CEP164: variants seen among roughly 807,000 people sequenced by gnomAD.
The protein encoded by CEP164 is centrosomal protein of 164 kDa.
CEP164 carries 162 observed loss-of-function variants against 182.7 expected under a neutral mutation model. The ratio of observed to expected loss-of-function variants is 0.89; its 90% CI spans 0.78 to 1.01. The LOEUF (loss-of-function observed/expected upper bound fraction) is 1.01. Among genes scored for constraint, CEP164 ranks in the 50% least tolerant of loss-of-function variants. The pLI is 0.00. For synonymous variants in CEP164, 661 were observed against 690.0 expected, an observed-to-expected ratio of 0.96 and a Z score of 0.66; for missense variants, 1,735 against 1,790.4, an observed-to-expected ratio of 0.97 and a Z score of 0.56.
rs763203356 is a variant in CEP164, at chr11:117,382,960, G to A, written c.1724+18G>A. The A allele has an allele frequency of 9.9e-6, 16 of 1,609,844 alleles. No individual in the cohort carries two copies. Among genetic ancestry groups the A allele is most frequent in the Non-Finnish European group, 1.4e-5 (16 of 1,178,124 alleles). On this transcript the variant is annotated intron_variant, in intron 14 of 32. Coordinates refer to ENST00000278935, the MANE Select transcript of CEP164 (RefSeq NM_014956.5). ...CCAGAGGTGTAAGGGCCAGTTTTGT[G>A]TGTCTGTCCCTGACCTCCACTGCGT... is the stretch of plus-strand genomic sequence containing the variant.
chr11:117,372,500 C>T (rs1012850777), intron 9 of CEP164, among the ~76,000 whole-genome samples: 1 of 151,960 alleles, frequency 6.6e-6, no homozygotes, highest in East Asian at 1.9e-4. Context: ...ACCACAACCT[C>T]CGCCTCCCGG....
At chr11:117,408,292 G>A (rs2046939938) in intron 28 of CEP164, among the ~76,000 whole-genome samples, 1 of 152,192 alleles carries the variant, frequency 6.6e-6, no homozygotes, top group African/African-American at 2.4e-5. Context: ...CTGAGAAGAG[G>A]GCCAAGCCTT....
At chr11:117,326,597 T>A (rs1331494209), upstream of CEP164, among the ~76,000 whole-genome samples, 1 of 152,206 alleles carries the variant, frequency 6.6e-6, no homozygotes, top group Non-Finnish European at 1.5e-5. Flanking sequence ...CAGGTATTCA[T>A]GCGTGAGAAC....
intron 4 of CEP164, among the ~76,000 whole-genome samples, chr11:117,350,623 T>A (rs1288853657): frequency 6.6e-6 from 1 of 152,192 alleles, no homozygotes; most frequent in Non-Finnish European, 1.5e-5. Context: ...ATTTTTCATT[T>A]TCTCTTTTGT....
rs1052293511 is a variant in CEP164, at chr11:117,395,398, A to G, written c.2914-149A>G. On this transcript the variant is annotated intron_variant, in intron 23 of 32. Transcript: ENST00000278935. ...ACTGTGGTAGGACAGGAGCCTGCAG[A>G]CCTCTTGACCTCAGAGGTGGTGACT... The G allele has an allele frequency of 1.1e-5, 11 of 1,007,734 alleles. No homozygotes were observed. In the African/African-American group the frequency reaches 1.8e-4, roughly 16 times the overall value. The allele number at this position is 1,007,734 out of a possible 1,614,324, so 62.4% of individuals were successfully genotyped here.
At chr11:117,361,546 A>G (rs1040562706) in intron 5 of CEP164, among the ~76,000 whole-genome samples, 2 of 151,930 alleles carry the variant, frequency 1.3e-5, no homozygotes, top group Non-Finnish European at 2.9e-5. Context: ...GGCCTCCTAT[A>G]TGGCTTCTGA....
rs1439100332 is a variant in CEP164, at chr11:117,408,885, C to T, written c.3610-5C>T. 1 of 1,614,020 alleles carries T rather than the reference C, an allele frequency of 6.2e-7. No homozygotes were observed. ...TGGGTCATAACTGCTGACTTTACCC[C>T]ACAGGCCTCAGATGAGGGCACTCTG... On this transcript the variant is annotated splice_polypyrimidine_tract_variant and splice_region_variant and intron_variant, in intron 28 of 32. Transcript: ENST00000278935.
At chr11:117,379,737 C>A (rs2043115679) in intron 11 of CEP164, among the ~76,000 whole-genome samples, 2 of 151,888 alleles carry the variant, frequency 1.3e-5, no homozygotes, top group South Asian at 4.2e-4. Context: ...AAAGGGTTGA[C>A]CCCAGGCCGA....
At chr11:117,358,903 A>G (rs1016092037) in intron 5 of CEP164, among the ~76,000 whole-genome samples, 2 of 150,748 alleles carry the variant, frequency 1.3e-5, no homozygotes, top group South Asian at 2.1e-4. Flanking sequence ...TTGGGTTCCA[A>G]TCCCATCTCT....
chr11:117,407,457 C>CAAAAAAAAAAAAA (rs1232486465), intron 27 of CEP164, among the ~76,000 whole-genome samples: 2 of 69,006 alleles, frequency 2.9e-5, no homozygotes, highest in African/African-American at 1.0e-4. Context: ...TCTGTCTCTA[C>CAAAAAAAAAAAAA]AAAAAAAAAA....
intron 8 of CEP164, among the ~76,000 whole-genome samples, chr11:117,369,333 G>C (rs2041968601): frequency 6.6e-6 from 1 of 152,182 alleles, no homozygotes; most frequent in African/African-American, 2.4e-5. Flanking sequence ...TTTAGTGAAA[G>C]AAACTGAGGC....
At position 117,344,223 on chromosome 11, in the gene CEP164, T is replaced by A; in HGVS notation, c.140T>A (p.Met47Lys). The A allele has an allele frequency of 6.2e-7, 1 of 1,613,644 alleles. No homozygotes were observed. Among genetic ancestry groups the A allele is most frequent in the African/African-American group, 1.3e-5 (1 of 75,024 alleles). ...GIDPIKEPEL[M>K]WLAREGIVAP... ...GATCCCATCAAGGAACCAGAACTGA[T>A]GTGGCTGGCGCGAGAGGGCATCGTG... The change falls in exon 4 of 33, where the codon ATG (methionine) becomes AAG (lysine). Residue 47 changes from methionine (M) to lysine (K), a missense_variant. Transcript: ENST00000278935.
chr11:117,397,150 C>G lies in CEP164; in HGVS notation c.3338C>G (p.Ala1113Gly). ...LSAEGVALRS[A>G]KEFLVQQTRS... ...GCTGAGGGGGTAGCCCTCCGTAGTG[C>G]CAAGGAGTTCCTTGTGCAGCAGACA... is the stretch of plus-strand genomic sequence containing the variant. Residue 1113 changes from alanine to glycine, a missense_variant, in exon 27 of 33, where the codon GCC becomes GGC. Coordinates refer to ENST00000278935, the MANE Select transcript of CEP164 (RefSeq NM_014956.5). 6.2e-7 allele frequency: 1 copy of G among 1,614,232 alleles called. No homozygotes were observed. Among genetic ancestry groups the G allele is most frequent in the Non-Finnish European group, 8.5e-7 (1 of 1,180,034 alleles).
At position 117,351,896 on chromosome 11, in the gene CEP164, G is replaced by A; in HGVS notation, c.301G>A (p.Ala101Thr). 6.2e-7 allele frequency: 1 copy of A among 1,613,100 alleles called. No individual in the cohort carries two copies. Among genetic ancestry groups the A allele is most frequent in the Non-Finnish European group, 8.5e-7 (1 of 1,179,858 alleles). The change falls in exon 5 of 33, where the codon GCA (alanine) becomes ACA (threonine). Residue 101 changes from alanine (A) to threonine (T), a missense_variant. By Grantham distance (58) the Ala-to-Thr change is moderately conservative. Coordinates refer to ENST00000278935, the MANE Select transcript of CEP164 (RefSeq NM_014956.5). ...HYRSLVIQERAKLSTSGAIKK... is the reference protein window; with the variant it reads ...HYRSLVIQERTKLSTSGAIKK... The stretch of plus-strand genomic sequence containing the variant: ...TCGGAGCTTGGTGATCCAAGAGCGG[G>A]CAAAGCTGTCAACTTCTGGGGCCAT...
chr11:117,382,816 C>T lies in CEP164; in HGVS notation c.1598C>T (p.Pro533Leu), dbSNP rs761621131. ...SLQREQAPSP[P>L]AACEKGKEQH... is the part of the protein sequence containing the mutation. ...TCAAGGGAGCAGGCCCCAAGCCCAC[C>T]TGCTGCCTGTGAGAAGGGCAAGGAG... Residue 533 changes from proline to leucine, a missense_variant, in exon 14 of 33, where the codon CCT becomes CTT. Physicochemically the swap from Pro to Leu is moderately conservative, Grantham distance 98 (BLOSUM62 -3). Transcript: ENST00000278935. 1.1e-5 allele frequency: 17 copies of T among 1,613,994 alleles called. No homozygotes were observed. Among genetic ancestry groups the T allele is most frequent in the Non-Finnish European group, 1.4e-5 (16 of 1,180,014 alleles).
chr11:117,392,999 T>C lies in CEP164; in HGVS notation c.2494-5T>C. The stretch of plus-strand genomic sequence containing the variant: ...CATGCCACATCCCTGCCATCTCCCC[T>C]GCAGCTCAGCAGTCTCCTGCGAGAG... On this transcript the variant is annotated splice_region_variant and splice_polypyrimidine_tract_variant and intron_variant, in intron 19 of 32. Transcript: ENST00000278935. 1 of 1,612,806 alleles carries C rather than the reference T, an allele frequency of 6.2e-7. No individual in the cohort carries two copies.
At chr11:117,380,583 A>T in intron 11 of CEP164, 31 bp from the exon 12 acceptor site, 1 of 1,559,318 alleles carries the variant, frequency 6.4e-7, no homozygotes, top group Non-Finnish European at 8.7e-7. Flanking sequence ...AGTCCCTCCA[A>T]CACAAACTTT....
chr11:117,388,453 A>T (rs1308762018), intron 15 of CEP164, among the ~76,000 whole-genome samples: 1 of 152,238 alleles, frequency 6.6e-6, no homozygotes, highest in Non-Finnish European at 1.5e-5. Context: ...AAACTAGTTC[A>T]TCACCAGAAC....
At position 117,396,617 on chromosome 11, in the gene CEP164, T is replaced by A; in HGVS notation, c.3278+6T>A. On this transcript the variant is annotated splice_donor_region_variant and intron_variant, in intron 26 of 32. Coordinates refer to ENST00000278935, the MANE Select transcript of CEP164 (RefSeq NM_014956.5). ...GAGGACTTATACTTGGACAGGTGAG[T>A]TCCCATAGCCTGTCTTATTTGAGGT... 1 of 1,608,414 alleles carries A rather than the reference T, an allele frequency of 6.2e-7. No individual in the cohort carries two copies. Among genetic ancestry groups the A allele is most frequent in the South Asian group, 1.1e-5 (1 of 90,952 alleles).
Sources: allele counts gnomAD v4.1 joint callset (sites outside exome capture counted in the v4.1 genomes callset), GRCh38; gene constraint gnomAD v4.1.1; transcripts MANE v1.5; gene names NCBI Gene and HGNC (gene_info 2026-07-23, HGNC 2026-07-21).